Variants in ASIC2 observed in about 807,000 individuals in gnomAD.
The protein encoded by ASIC2 is acid-sensing ion channel 2.
Under a neutral mutation model 57.3 loss-of-function variants are expected in ASIC2, and 25 were observed. The observed-to-expected ratio is 0.44, with a 90% confidence interval of 0.32 to 0.61. The LOEUF is 0.61. Among genes scored for constraint, ASIC2 ranks in the 20% least tolerant of loss-of-function variants. The pLI, the probability that ASIC2 is intolerant of heterozygous loss-of-function variation, is 0.06. For synonymous variants in ASIC2, 319 were observed against 307.5 expected (o/e 1.04, Z -0.39); for missense variants, 641 against 738.1 (o/e 0.87, Z 1.52).
intron 3 of ASIC2, among the ~76,000 whole-genome samples, chr17:33,029,908 T>C (rs1162686133): frequency 6.6e-6 from 1 of 152,250 alleles, no homozygotes; most frequent in Non-Finnish European, 1.5e-5. Context: ...TGTTTGTTGG[T>C]CATTCATATA....
intron 1 of ASIC2, among the ~76,000 whole-genome samples, chr17:34,054,408 C>T (rs1444686366): frequency 6.6e-6 from 1 of 152,160 alleles, no homozygotes; most frequent in Non-Finnish European, 1.5e-5. Flanking sequence ...ATTTCTACTT[C>T]CTGGCTCACA....
chr17:33,020,990 G>A (rs1232023852), intron 7 of ASIC2, among the ~76,000 whole-genome samples: 4 of 152,166 alleles, frequency 2.6e-5, no homozygotes, highest in Non-Finnish European at 5.9e-5. Flanking sequence ...GGAAAATGAA[G>A]CCAAGATTGG....
intron 1 of ASIC2, among the ~76,000 whole-genome samples, chr17:33,802,711 A>G (rs532627493): frequency 6.6e-6 from 1 of 152,372 alleles, no homozygotes; most frequent in South Asian, 2.1e-4. Context: ...AGAAGGAGGA[A>G]CAAAAAGAAC....
intron 3 of ASIC2, among the ~76,000 whole-genome samples, chr17:33,032,020 T>A (rs1284123248): frequency 2.0e-5 from 3 of 152,238 alleles, no homozygotes; most frequent in Non-Finnish European, 4.4e-5. Flanking sequence ...AATGTGTTTT[T>A]AAGGTACATC....
chr17:33,321,490 C>T (rs1906865247), intron 1 of ASIC2, among the ~76,000 whole-genome samples: 1 of 152,176 alleles, frequency 6.6e-6, no homozygotes, highest in African/African-American at 2.4e-5. Context: ...CTTATTGCTT[C>T]TGTGCCACAG....
intron 1 of ASIC2, among the ~76,000 whole-genome samples, chr17:33,486,684 CAT>C (rs971876083): frequency 6.6e-6 from 1 of 152,182 alleles, no homozygotes; most frequent in Non-Finnish European, 1.5e-5. Context: ...CCTGAGGAGA[CAT>C]AAACAGCCTG....
intron 1 of ASIC2, among the ~76,000 whole-genome samples, chr17:33,579,103 G>A (rs1371050439): frequency 1.3e-5 from 2 of 148,208 alleles, no homozygotes; most frequent in African/African-American, 5.3e-5. Flanking sequence ...TGGCCAACAT[G>A]GTGAAACCCC....
chr17:34,140,389 G>A (rs569700244), intron 1 of ASIC2, among the ~76,000 whole-genome samples: 2 of 152,004 alleles, frequency 1.3e-5, no homozygotes, highest in Admixed American at 6.5e-5. Context: ...ACGTGTAAAT[G>A]TAGATGTAAC....
At chr17:34,044,126 GCACGCACA>G (rs1567799035) in intron 1 of ASIC2, among the ~76,000 whole-genome samples, 4 of 51,694 alleles carry the variant, frequency 7.7e-5, no homozygotes, top group East Asian at 1.2e-3. Context: ...ACACACACAC[GCACGCACA>G]CACACACACA....
intron 1 of ASIC2, among the ~76,000 whole-genome samples, chr17:33,215,447 T>C (rs952304083): frequency 2.0e-5 from 3 of 152,210 alleles, no homozygotes; most frequent in Non-Finnish European, 4.4e-5. Context: ...ATCCACACAA[T>C]GGAGTTTTAT....
At chr17:33,507,980 C>G (rs1433630768) in intron 1 of ASIC2, among the ~76,000 whole-genome samples, 1 of 152,150 alleles carries the variant, frequency 6.6e-6, no homozygotes, top group Non-Finnish European at 1.5e-5. Flanking sequence ...TGTCCCAAAT[C>G]AGAGGGCCAC....
intron 1 of ASIC2, among the ~76,000 whole-genome samples, chr17:33,260,457 A>G (rs1909238545): frequency 6.6e-6 from 1 of 152,208 alleles, no homozygotes; most frequent in South Asian, 2.1e-4. Context: ...GTCAGACAGA[A>G]TCATCTAATA....
intron 1 of ASIC2, among the ~76,000 whole-genome samples, chr17:34,009,184 AG>A (rs1333586163): frequency 6.6e-6 from 1 of 152,154 alleles, no homozygotes; most frequent in Non-Finnish European, 1.5e-5. Flanking sequence ...ACCTCTGGGA[AG>A]TCAAATGAAC....
intron 3 of ASIC2, among the ~76,000 whole-genome samples, chr17:33,031,160 G>A (rs1277635482): frequency 2.0e-5 from 3 of 152,104 alleles, no homozygotes; most frequent in Non-Finnish European, 2.9e-5. Flanking sequence ...TGCGTGTGAA[G>A]ATTTTTAATT....
intron 1 of ASIC2, among the ~76,000 whole-genome samples, chr17:33,520,633 A>C (rs1293544032): frequency 6.6e-6 from 1 of 152,220 alleles, no homozygotes; most frequent in Non-Finnish European, 1.5e-5. Flanking sequence ...CAGTGAGCCC[A>C]CAGTCTGGCT....
intron 1 of ASIC2, among the ~76,000 whole-genome samples, chr17:33,805,417 C>T (rs543594616): frequency 5.9e-5 from 9 of 152,262 alleles, no homozygotes; most frequent in South Asian, 2.1e-4. Flanking sequence ...GCCTAATTTT[C>T]TTAGCAAAGG....
intron 3 of ASIC2, among the ~76,000 whole-genome samples, chr17:33,030,706 G>A (rs1196280083): frequency 6.6e-6 from 1 of 152,016 alleles, no homozygotes; most frequent in Admixed American, 6.6e-5. Flanking sequence ...CATTTGCTGA[G>A]AGTTTTTATC....
At chr17:33,707,108 T>G (rs1908886742) in intron 1 of ASIC2, among the ~76,000 whole-genome samples, 1 of 152,220 alleles carries the variant, frequency 6.6e-6, no homozygotes, top group South Asian at 2.1e-4. Flanking sequence ...CTTCTGATAG[T>G]GCTATTGATA....
chr17:33,649,923 A>G (rs1906864498), intron 1 of ASIC2, among the ~76,000 whole-genome samples: 1 of 152,252 alleles, frequency 6.6e-6, no homozygotes, highest in African/African-American at 2.4e-5. Context: ...CGTAGAAAAA[A>G]TATAGATAAA....
Sources: gnomAD v4.1 joint callset for allele counts (sites outside exome capture counted in the v4.1 genomes callset) on GRCh38, gnomAD v4.1.1 for gene constraint, MANE v1.5 for transcripts, NCBI Gene and HGNC (gene_info 2026-07-23, HGNC 2026-07-21) for gene names.